The following DNER variants were observed in gnomAD, a reference collection of about 807,000 sequenced individuals.
The protein encoded by DNER is delta/notch like EGF repeat containing, also known as delta and Notch-like epidermal growth factor-related receptor.
A neutral mutation model predicts 78.2 loss-of-function variants in DNER; 33 were observed. The observed-to-expected ratio is 0.42, with a 90% CI of 0.32 to 0.56. The LOEUF (loss-of-function observed/expected upper bound fraction) is 0.56. Among genes scored for constraint, DNER ranks in the 20% least tolerant of loss-of-function variants. The pLI, the probability that DNER is intolerant of heterozygous loss-of-function variation, is 0.11. For synonymous variants in DNER, 417 were observed against 384.8 expected (o/e 1.08, Z -0.98); for missense variants, 918 against 975.3 (o/e 0.94, Z 0.78).
intron 1 of DNER, among the ~76,000 whole-genome samples, chr2:229,642,243 A>G (rs1256576001): frequency 6.6e-6 from 1 of 152,188 alleles, no homozygotes; most frequent in Non-Finnish European, 1.5e-5. Context: ...GAAATCACTA[A>G]TATTTCTCTA....
chr2:229,488,788 C>A (rs1264922142), intron 6 of DNER, among the ~76,000 whole-genome samples: 1 of 152,214 alleles, frequency 6.6e-6, no homozygotes, highest in Non-Finnish European at 1.5e-5. Flanking sequence ...CAACCTGGCT[C>A]CCCTGAGCAG....
In DNER at chr2:229,366,759, T is replaced by C. The variant is rs139514662; in HGVS notation, c.2102+114A>G. On this transcript the variant is annotated intron_variant, in intron 12 of 12. Transcript: ENST00000341772. ...CCCCAAATACAATGTGGAACCTATT[T>C]TCCATTCTTTAAAATCTCCTCTTTG... 6.0e-4 allele frequency: 900 copies of C among 1,494,468 alleles called. 3 individuals carry two copies. In the African/African-American group the frequency reaches 0.011, roughly 18 times the overall value. 92.6% of individuals were successfully genotyped at this position (1,494,468 alleles called of 1,614,324 possible). A position where few individuals can be genotyped will look rare whatever the true frequency, so the allele number is the denominator to read the frequency against.
intron 4 of DNER, among the ~76,000 whole-genome samples, chr2:229,552,032 G>T (rs1696754451): frequency 6.6e-6 from 1 of 152,262 alleles, no homozygotes; most frequent in Admixed American, 6.5e-5. Flanking sequence ...GACGTGTGTG[G>T]AATACATATA....
intron 8 of DNER, among the ~76,000 whole-genome samples, chr2:229,445,326 G>C (rs1433676606): frequency 6.6e-6 from 1 of 152,182 alleles, no homozygotes; most frequent in Non-Finnish European, 1.5e-5. Flanking sequence ...CTCCACCCTG[G>C]CTCTGAAGGA....
At chr2:229,650,639 T>C (rs1180932322) in intron 1 of DNER, among the ~76,000 whole-genome samples, 1 of 152,088 alleles carries the variant, frequency 6.6e-6, no homozygotes, top group Admixed American at 6.5e-5. Context: ...CAAGGGCCCC[T>C]ACACACGGTT....
intron 7 of DNER, among the ~76,000 whole-genome samples, chr2:229,466,586 T>C (rs1694811558): frequency 6.6e-6 from 1 of 152,102 alleles, no homozygotes; most frequent in South Asian, 2.1e-4. Flanking sequence ...GGGGCCACTA[T>C]TCCATAAGAC....
intron 7 of DNER, among the ~76,000 whole-genome samples, chr2:229,457,852 G>T (rs1694609627): frequency 1.3e-5 from 2 of 150,936 alleles, no homozygotes. Flanking sequence ...AAAATGGAAA[G>T]TAAGGACAGG....
intron 11 of DNER, among the ~76,000 whole-genome samples, chr2:229,386,635 A>G (rs918104037): frequency 6.6e-6 from 1 of 151,940 alleles, no homozygotes; most frequent in African/African-American, 2.4e-5. Flanking sequence ...GAAAAAAAAA[A>G]CAAACAACCA....
intron 1 of DNER, among the ~76,000 whole-genome samples, chr2:229,676,514 A>G (rs1217626272): frequency 1.3e-5 from 2 of 152,196 alleles, no homozygotes; most frequent in African/African-American, 4.8e-5. Context: ...GACTTTTCTT[A>G]GATTTAGGTT....
chr2:229,680,618 G>A (rs573690084), intron 1 of DNER, among the ~76,000 whole-genome samples: 8 of 152,306 alleles, frequency 5.3e-5, no homozygotes, highest in Admixed American at 2.6e-4. Flanking sequence ...CACAAAAGCA[G>A]GCAAGCAAGC....
intron 1 of DNER, among the ~76,000 whole-genome samples, chr2:229,594,176 C>A (rs1487077685): frequency 6.6e-6 from 1 of 152,254 alleles, no homozygotes; most frequent in Non-Finnish European, 1.5e-5. Context: ...AGGCACAACA[C>A]CTACCCTCCC....
chr2:229,462,450 T>A (rs940615005), intron 7 of DNER, among the ~76,000 whole-genome samples: 2 of 151,778 alleles, frequency 1.3e-5, no homozygotes, highest in Non-Finnish European at 2.9e-5. Context: ...AACCTAGGAG[T>A]CATACCTGAT....
chr2:229,484,590 G>T (rs1247106425), intron 6 of DNER, among the ~76,000 whole-genome samples: 2 of 152,130 alleles, frequency 1.3e-5, no homozygotes, highest in African/African-American at 4.8e-5. Context: ...TAGGTCGGTG[G>T]TTCTTGACTG....
intron 1 of DNER, among the ~76,000 whole-genome samples, chr2:229,656,583 C>T (rs1698915727): frequency 6.6e-6 from 1 of 152,012 alleles, no homozygotes. Flanking sequence ...TCTAGCCCCT[C>T]GAACCTGTTA....
chr2:229,461,742 A>G (rs751758280), intron 7 of DNER, among the ~76,000 whole-genome samples: 6 of 152,074 alleles, frequency 3.9e-5, no homozygotes, highest in Non-Finnish European at 8.8e-5. Context: ...GAAAATGAAA[A>G]ACTATTTGGT....
At chr2:229,464,686 CA>C (rs1465616042) in intron 7 of DNER, among the ~76,000 whole-genome samples, 1 of 152,074 alleles carries the variant, frequency 6.6e-6, no homozygotes, top group African/African-American at 2.4e-5. Context: ...TATAAAAAAA[CA>C]AGTAAATAGG....
intron 4 of DNER, among the ~76,000 whole-genome samples, chr2:229,561,598 C>T (rs557418825): frequency 6.6e-6 from 1 of 152,262 alleles, no homozygotes; most frequent in African/African-American, 2.4e-5. Context: ...ACATTCTACA[C>T]TTTTCCAAAA....
At chr2:229,531,910 A>G (rs1248567618) in intron 5 of DNER, among the ~76,000 whole-genome samples, 1 of 152,254 alleles carries the variant, frequency 6.6e-6, no homozygotes, top group Non-Finnish European at 1.5e-5. Flanking sequence ...CAAAAGGTCC[A>G]TTCAATATGA....
At chr2:229,453,947 G>GA (rs1278493590) in intron 7 of DNER, among the ~76,000 whole-genome samples, 16 of 132,732 alleles carry the variant, frequency 1.2e-4, no homozygotes, top group African/African-American at 4.3e-4. Context: ...AAAAAAGAAA[G>GA]AAGAGAAACC....
Sources: allele counts gnomAD v4.1 joint callset (sites outside exome capture counted in the v4.1 genomes callset), GRCh38; gene constraint gnomAD v4.1.1; transcripts MANE v1.5; gene names NCBI Gene and HGNC (gene_info 2026-07-23, HGNC 2026-07-21).